MED13L: variants seen among roughly 807,000 people sequenced by gnomAD.
MED13L encodes mediator complex subunit 13L.
Under a neutral mutation model 220.9 loss-of-function variants are expected in MED13L, and 7 were observed. The ratio of observed to expected loss-of-function variants is 0.03; its 90% CI spans 0.02 to 0.06. The LOEUF is 0.06. MED13L is among the 10% of genes least tolerant of loss of function. The pLI is 1.00. For synonymous variants in MED13L, 1,011 were observed against 1,015.2 expected (o/e 1.00, Z 0.08); for missense variants, 1,965 against 2,760.5 (o/e 0.71, Z 6.46).
rs891758767 is a variant in MED13L, at chr12:116,008,750, G to A, written c.1663C>T (p.Leu555=). Residue 555 remains leucine, a synonymous_variant, in exon 10 of 31, where the codon CTG becomes TTG. Coordinates refer to ENST00000281928, the MANE Select transcript of MED13L (RefSeq NM_015335.5). ...GGCTGAGGGCTGAGTGTTGGTGGCA[G>A]AGGGGATATAGGGGAATGAGGTGAA... The part of the protein sequence containing the change: ...MDSPHSPISP[L]PPTLSPQPRG... The A allele has an allele frequency of 1.9e-6, 3 of 1,614,048 alleles. No individual in the cohort carries two copies. Among genetic ancestry groups the A allele is most frequent in the Non-Finnish European group, 2.5e-6 (3 of 1,180,002 alleles).
At chr12:116,230,588 G>A (rs898442388) in intron 2 of MED13L, 1 of 562,598 alleles carries the variant, frequency 1.8e-6, no homozygotes, top group African/African-American at 2.1e-5. Flanking sequence ...AATTCAGTCA[G>A]GGATTAATTT....
intron 2 of MED13L, among the ~76,000 whole-genome samples, chr12:116,115,035 A>G (rs1029455897): frequency 6.6e-6 from 1 of 152,200 alleles, no homozygotes; most frequent in African/African-American, 2.4e-5. Context: ...TCCCTGCAGG[A>G]TGTTTTATAG....
intron 2 of MED13L, among the ~76,000 whole-genome samples, chr12:116,131,241 ATTGT>A (rs1366312279): frequency 2.0e-5 from 3 of 152,222 alleles, no homozygotes; most frequent in Non-Finnish European, 4.4e-5. Context: ...AGGAAAGGAG[ATTGT>A]TTATTTATGG....
At chr12:116,000,666 C>T (rs1486192399) in intron 14 of MED13L, among the ~76,000 whole-genome samples, 1 of 152,082 alleles carries the variant, frequency 6.6e-6, no homozygotes, top group South Asian at 2.1e-4. Flanking sequence ...CTTTCAAATG[C>T]GAAAATTTGT....
intron 1 of MED13L, among the ~76,000 whole-genome samples, chr12:116,238,892 C>T (rs748744191): frequency 6.6e-6 from 1 of 152,116 alleles, no homozygotes; most frequent in Non-Finnish European, 1.5e-5. Context: ...GTCAGGAGTT[C>T]GAGACCAGCC....
intron 14 of MED13L, 54 bp from the exon 15 acceptor site, chr12:115,997,284 C>G: frequency 1.3e-6 from 2 of 1,505,884 alleles, no homozygotes; most frequent in Non-Finnish European, 9.2e-7. Flanking sequence ...TCTAAAAAGT[C>G]CTAGCTTATA....
intron 2 of MED13L, among the ~76,000 whole-genome samples, chr12:116,172,927 CA>C (rs560335454): frequency 0.011 from 638 of 60,010 alleles, 1 homozygote; most frequent in African/African-American, 0.029. Flanking sequence ...CCATTTAAGA[CA>C]AAAAAAAAAA....
intron 28 of MED13L, among the ~76,000 whole-genome samples, chr12:115,967,271 T>C (rs1485331528): frequency 1.5e-5 from 2 of 132,834 alleles, no homozygotes; most frequent in Non-Finnish European, 3.2e-5. Flanking sequence ...GTTAAAAAAA[T>C]AAAAAATTTA....
chr12:115,966,336 T>C (rs1876158501), intron 28 of MED13L, 93 bp from the exon 29 acceptor site: 2 of 1,386,238 alleles, frequency 1.4e-6, no homozygotes, highest in Non-Finnish European at 2.0e-6. Flanking sequence ...CTGCAGTGAG[T>C]GATCCCCTTT....
intron 4 of MED13L, among the ~76,000 whole-genome samples, chr12:116,042,771 A>T (rs1050357594): frequency 4.6e-5 from 7 of 152,226 alleles, no homozygotes; most frequent in African/African-American, 1.7e-4. Context: ...AGCGTAAAAA[A>T]AAACCCAGCA....
At chr12:116,232,486 C>T (rs1310458056) in intron 2 of MED13L, among the ~76,000 whole-genome samples, 33 of 152,194 alleles carry the variant, frequency 2.2e-4, no homozygotes, top group Admixed American at 2.2e-3. Flanking sequence ...GCTTCAATAT[C>T]CTCGCATTAT....
chr12:116,111,017 T>C (rs766767151), intron 3 of MED13L, among the ~76,000 whole-genome samples: 130 of 152,316 alleles, frequency 8.5e-4, no homozygotes, highest in Non-Finnish European at 1.3e-3. Context: ...CAATGACATC[T>C]GAATTGAACT....
intron 4 of MED13L, among the ~76,000 whole-genome samples, chr12:116,041,167 T>G (rs930388014): frequency 2.6e-5 from 4 of 152,162 alleles, no homozygotes; most frequent in African/African-American, 4.8e-5. Flanking sequence ...AGGGGCCAGG[T>G]AGAAGGTGAC....
chr12:116,240,726 C>CGG (rs893957640), intron 1 of MED13L, among the ~76,000 whole-genome samples: 2 of 150,682 alleles, frequency 1.3e-5, no homozygotes, highest in African/African-American at 4.9e-5. Context: ...TTAGTAGAGA[C>CGG]GGGGGGGTTT....
At chr12:116,145,337 A>G (rs1018910153) in intron 2 of MED13L, among the ~76,000 whole-genome samples, 2 of 152,196 alleles carry the variant, frequency 1.3e-5, no homozygotes, top group African/African-American at 2.4e-5. Flanking sequence ...CTGAAAAGCA[A>G]CCTAGAACAG....
chr12:116,263,036 T>C (rs1189219609), intron 1 of MED13L, among the ~76,000 whole-genome samples: 1 of 152,222 alleles, frequency 6.6e-6, no homozygotes, highest in African/African-American at 2.4e-5. Flanking sequence ...TAAGAACTTG[T>C]ATCTCAGGAG....
intron 2 of MED13L, among the ~76,000 whole-genome samples, chr12:116,223,918 C>G (rs1868692727): frequency 6.6e-6 from 1 of 152,146 alleles, no homozygotes; most frequent in African/African-American, 2.4e-5. Flanking sequence ...TGCAATGGTG[C>G]TAGACTGATA....
At chr12:116,153,478 G>A (rs1878206127) in intron 2 of MED13L, among the ~76,000 whole-genome samples, 1 of 152,150 alleles carries the variant, frequency 6.6e-6, no homozygotes, top group South Asian at 2.1e-4. Context: ...ATCAATTTCT[G>A]TAATAGCAAT....
At chr12:116,123,576 A>G (rs1239369860) in intron 2 of MED13L, among the ~76,000 whole-genome samples, 1 of 152,218 alleles carries the variant, frequency 6.6e-6, no homozygotes, top group Non-Finnish European at 1.5e-5. Context: ...ACGCACATGC[A>G]CACACACGTG....
Sources: gnomAD v4.1 joint callset for allele counts (sites outside exome capture counted in the v4.1 genomes callset) on GRCh38, gnomAD v4.1.1 for gene constraint, MANE v1.5 for transcripts, NCBI Gene and HGNC (gene_info 2026-07-23, HGNC 2026-07-21) for gene names.